Variants in STK33 observed in about 807,000 individuals in gnomAD.
The protein encoded by STK33 is serine/threonine kinase 33, also known as serine/threonine-protein kinase 33.
A neutral mutation model predicts 58.0 loss-of-function variants in STK33; 52 were observed. The observed-to-expected ratio is 0.90, with a 90% confidence interval of 0.72 to 1.13. The LOEUF is 1.13. Ranked by LOEUF, STK33 falls within the 50% of genes most tolerant of loss-of-function variation. The pLI is 0.00. For synonymous variants in STK33, 215 were observed against 200.1 expected (o/e 1.07, Z -0.63); for missense variants, 630 against 604.2 (o/e 1.04, Z -0.45).
downstream of STK33, among the ~76,000 whole-genome samples, chr11:8,390,783 G>A (rs907123588): frequency 6.6e-6 from 1 of 152,224 alleles, no homozygotes; most frequent in African/African-American, 2.4e-5. Flanking sequence ...TTAGTGGTTA[G>A]TTCTGGACCT....
At position 8,585,831 on chromosome 11, in the gene STK33, G is replaced by C. The variant is rs759416748; in HGVS notation, c.-466+8252C>G. 8.5e-5 allele frequency among the ~76,000 whole-genome samples: 13 copies of C among 152,048 alleles called. No homozygotes were observed. In the South Asian group the frequency reaches 1.5e-3, roughly 17 times the overall value. Reference sequence around the variant, plus strand: ...GCACTTTGGGAGGCCAAGGCGGGCAGATCACTTGAGGTCAGGAGTTCGAGA... The same window carrying C: ...GCACTTTGGGAGGCCAAGGCGGGCACATCACTTGAGGTCAGGAGTTCGAGA... On this transcript the variant is annotated intron_variant, in intron 1 of 15. Coordinates refer to ENST00000687296, the MANE Select transcript of STK33 (RefSeq NM_001352389.2).
chr11:8,364,870 T>C, the STK33 span, among the ~76,000 whole-genome samples: 1 of 152,170 alleles, frequency 6.6e-6, no homozygotes, highest in African/African-American at 2.4e-5. Flanking sequence ...TGTCAACATA[T>C]GCACTCATTT....
At chr11:8,461,145 A>G (rs1947471124) in intron 8 of STK33, among the ~76,000 whole-genome samples, 1 of 152,216 alleles carries the variant, frequency 6.6e-6, no homozygotes, top group Non-Finnish European at 1.5e-5. Context: ...GAAGTGGTGG[A>G]GCCAGGATTC....
the STK33 span, among the ~76,000 whole-genome samples, chr11:8,378,054 A>G: frequency 0.015 from 2,222 of 152,330 alleles, 50 homozygotes; most frequent in African/African-American, 0.05. Flanking sequence ...TTGGGCTACT[A>G]TGAAGAAATA....
At chr11:8,568,637 T>C (rs1957602031) in intron 1 of STK33, among the ~76,000 whole-genome samples, 1 of 152,162 alleles carries the variant, frequency 6.6e-6, no homozygotes, top group Non-Finnish European at 1.5e-5. Flanking sequence ...AAGAAAGCTA[T>C]TTATTATAGT....
chr11:8,354,881 T>C, the STK33 span, among the ~76,000 whole-genome samples: 1 of 152,164 alleles, frequency 6.6e-6, no homozygotes, highest in African/African-American at 2.4e-5. Context: ...GCTTCCGTAA[T>C]TGGAAGCCCA....
intron 15 of STK33, among the ~76,000 whole-genome samples, chr11:8,398,183 A>T (rs1335485732): frequency 6.6e-6 from 1 of 152,220 alleles, no homozygotes; most frequent in African/African-American, 2.4e-5. Flanking sequence ...GTTGAAATGA[A>T]GGAAAAAATG....
chr11:8,360,701 G>A, the STK33 span, among the ~76,000 whole-genome samples: 40 of 152,324 alleles, frequency 2.6e-4, no homozygotes, highest in Non-Finnish European at 3.4e-4. Context: ...TGATGTCCCC[G>A]TTTCCTTGCT....
intron 8 of STK33, among the ~76,000 whole-genome samples, chr11:8,460,534 G>A (rs2137236276): frequency 6.6e-6 from 1 of 152,172 alleles, no homozygotes; most frequent in Non-Finnish European, 1.5e-5. Flanking sequence ...AAAATGAACA[G>A]AGCATCAGTG....
At chr11:8,425,192 C>T (rs1321578062) in intron 14 of STK33, among the ~76,000 whole-genome samples, 1 of 152,058 alleles carries the variant, frequency 6.6e-6, no homozygotes. Flanking sequence ...CCAGTTTCAG[C>T]TTTCTACATA....
At chr11:8,384,817 G>A in the STK33 span, among the ~76,000 whole-genome samples, 5 of 152,116 alleles carry the variant, frequency 3.3e-5, no homozygotes, top group Admixed American at 1.3e-4. Flanking sequence ...ATAGCAGTGC[G>A]TCCAGCCATT....
chr11:8,520,845 G>T (rs573682899), intron 1 of STK33, among the ~76,000 whole-genome samples: 1 of 151,968 alleles, frequency 6.6e-6, no homozygotes, highest in Non-Finnish European at 1.5e-5. Flanking sequence ...AAATAAAAGA[G>T]ATCACAAACA....
chr11:8,540,821 A>G (rs1219903764), intron 1 of STK33, among the ~76,000 whole-genome samples: 1 of 152,136 alleles, frequency 6.6e-6, no homozygotes, highest in African/African-American at 2.4e-5. Context: ...TAGAGATAAT[A>G]CACAACATGA....
chr11:8,347,159 T>C, the STK33 span, among the ~76,000 whole-genome samples: 1 of 152,204 alleles, frequency 6.6e-6, no homozygotes, highest in Non-Finnish European at 1.5e-5. Context: ...CCTTTCGATA[T>C]ATCTTCATTC....
chr11:8,415,822 C>T (rs1941040082), intron 14 of STK33, among the ~76,000 whole-genome samples: 1 of 152,104 alleles, frequency 6.6e-6, no homozygotes, highest in South Asian at 2.1e-4. Flanking sequence ...TTAGGCAGTT[C>T]TTGCGCTGCA....
At chr11:8,473,319 T>C in intron 5 of STK33, 43 bp from the exon 6 acceptor site, 1 of 1,174,414 alleles carries the variant, frequency 8.5e-7, no homozygotes, top group Non-Finnish European at 1.2e-6. Flanking sequence ...CTTTAAGATG[T>C]AATATTCTTT....
Position 8,440,401 on chromosome 11 carries a change from C to T in STK33, c.947+277G>A, listed in dbSNP as rs142248530. 2.5e-3 allele frequency among the ~76,000 whole-genome samples: 381 copies of T among 152,108 alleles called. 6 individuals carry two copies. The highest frequency in any genetic ancestry group is 0.022 in the East Asian group (116 of 5,172). On this transcript the variant is annotated intron_variant, in intron 12 of 15. Coordinates refer to ENST00000687296, the MANE Select transcript of STK33 (RefSeq NM_001352389.2). Reference sequence around the variant, plus strand: ...AGCTTTTGGTTTGTAGCAAAGGATACGGAAGGTGTTAAGATTTTTCATTTT... The same window carrying T: ...AGCTTTTGGTTTGTAGCAAAGGATATGGAAGGTGTTAAGATTTTTCATTTT...
chr11:8,364,830 G>A, the STK33 span, among the ~76,000 whole-genome samples: 8 of 152,180 alleles, frequency 5.3e-5, no homozygotes, highest in African/African-American at 1.4e-4. Flanking sequence ...GCTCTCCTAC[G>A]CATATAGTTG....
intron 1 of STK33, among the ~76,000 whole-genome samples, chr11:8,540,729 A>G (rs1404698182): frequency 6.6e-6 from 1 of 152,112 alleles, no homozygotes; most frequent in Admixed American, 6.5e-5. Flanking sequence ...AGTAGCTACC[A>G]TGGATGGGCA....
Sources: gnomAD v4.1 joint callset for allele counts (sites outside exome capture counted in the v4.1 genomes callset) on GRCh38, gnomAD v4.1.1 for gene constraint, MANE v1.5 for transcripts, NCBI Gene and HGNC (gene_info 2026-07-23, HGNC 2026-07-21) for gene names.